Variants in CHRM3 observed in about 807,000 individuals in gnomAD.
The protein encoded by CHRM3 is cholinergic receptor muscarinic 3, also known as muscarinic acetylcholine receptor M3.
A neutral mutation model predicts 41.8 loss-of-function variants in CHRM3; 11 were observed. The ratio of observed to expected loss-of-function variants is 0.26; its 90% CI spans 0.17 to 0.44. CHRM3 has a LOEUF of 0.44. Ranked by LOEUF, CHRM3 falls within the 20% of genes least tolerant of loss-of-function variation. The pLI is 1.00. For synonymous variants in CHRM3, 297 were observed against 301.4 expected (o/e 0.99, Z 0.15); for missense variants, 571 against 745.4 (o/e 0.77, Z 2.72).
intron 3 of CHRM3, among the ~76,000 whole-genome samples, chr1:239,586,106 G>C (rs377556428): frequency 6.6e-6 from 1 of 152,124 alleles, no homozygotes; most frequent in African/African-American, 2.4e-5. Context: ...CTGCCCTCCC[G>C]TGGGAGGCAG....
chr1:239,807,206 G>C (rs908180804), intron 5 of CHRM3, among the ~76,000 whole-genome samples: 1 of 152,172 alleles, frequency 6.6e-6, no homozygotes, highest in African/African-American at 2.4e-5. Flanking sequence ...ACTTTAAAAT[G>C]CAGTTTCTTT....
intron 1 of CHRM3, among the ~76,000 whole-genome samples, chr1:239,401,667 A>G (rs959450786): frequency 4.6e-5 from 7 of 151,660 alleles, no homozygotes; most frequent in Non-Finnish European, 1.0e-4. Context: ...ATTTTTTTGT[A>G]TTTTTAGTAG....
At chr1:239,450,383 A>C (rs1368713535) in intron 1 of CHRM3, among the ~76,000 whole-genome samples, 3 of 152,198 alleles carry the variant, frequency 2.0e-5, no homozygotes, top group Admixed American at 6.5e-5. Flanking sequence ...CAATAGTAAC[A>C]AAAAAACCAA....
intron 1 of CHRM3, among the ~76,000 whole-genome samples, chr1:239,403,102 C>G (rs1053491450): frequency 1.3e-5 from 2 of 152,130 alleles, no homozygotes; most frequent in African/African-American, 2.4e-5. Flanking sequence ...CCATACTTAT[C>G]TGCCTTTAAA....
At chr1:239,475,891 T>G (rs1347598395) in intron 1 of CHRM3, among the ~76,000 whole-genome samples, 1 of 151,916 alleles carries the variant, frequency 6.6e-6, no homozygotes, top group African/African-American at 2.4e-5. Flanking sequence ...TGCCATGGAG[T>G]GGATGGTGTG....
chr1:239,578,109 G>A (rs1044668227), intron 3 of CHRM3, among the ~76,000 whole-genome samples: 1 of 152,146 alleles, frequency 6.6e-6, no homozygotes. Context: ...ACTTTAATAA[G>A]GTGTAGGTTT....
intron 5 of CHRM3, among the ~76,000 whole-genome samples, chr1:239,759,995 A>G (rs927410402): frequency 2.0e-5 from 3 of 151,918 alleles, no homozygotes; most frequent in Non-Finnish European, 4.4e-5. Flanking sequence ...ACTCACTGCA[A>G]GCTCTGCCTC....
At chr1:239,705,699 G>A (rs984709911) in intron 5 of CHRM3, 9 of 152,066 alleles carry the variant, frequency 5.9e-5, no homozygotes, top group African/African-American at 2.2e-4. Context: ...TATCTTTATA[G>A]GGAAGGAAAA....
At chr1:239,436,674 T>C (rs1422300012) in intron 1 of CHRM3, among the ~76,000 whole-genome samples, 1 of 152,106 alleles carries the variant, frequency 6.6e-6, no homozygotes, top group Non-Finnish European at 1.5e-5. Context: ...TCAGTTACTT[T>C]TTCTGTATGG....
chr1:239,843,198 C>T (rs1673966443), intron 6 of CHRM3, among the ~76,000 whole-genome samples: 3 of 152,100 alleles, frequency 2.0e-5, no homozygotes, highest in Admixed American at 6.6e-5. Flanking sequence ...AATCCTCCTG[C>T]CTATATACTC....
At chr1:239,613,935 G>T (rs1667339285) in intron 3 of CHRM3, among the ~76,000 whole-genome samples, 1 of 152,002 alleles carries the variant, frequency 6.6e-6, no homozygotes, top group African/African-American at 2.4e-5. Flanking sequence ...CAGGAGGATT[G>T]CTTAAGGCCA....
At chr1:239,397,438 C>T (rs1374609370) in intron 1 of CHRM3, among the ~76,000 whole-genome samples, 7 of 151,656 alleles carry the variant, frequency 4.6e-5, no homozygotes, top group Admixed American at 1.3e-4. Flanking sequence ...TTTGGGAGGT[C>T]GAGATGGGTG....
At chr1:239,906,679 T>C (rs1679989644) in intron 6 of CHRM3, among the ~76,000 whole-genome samples, 1 of 152,232 alleles carries the variant, frequency 6.6e-6, no homozygotes, top group Non-Finnish European at 1.5e-5. Flanking sequence ...TGTTCACATA[T>C]GTGTGACACG....
At chr1:239,677,035 C>G (rs1658072638) in intron 4 of CHRM3, among the ~76,000 whole-genome samples, 1 of 152,152 alleles carries the variant, frequency 6.6e-6, no homozygotes, top group Non-Finnish European at 1.5e-5. Flanking sequence ...TCCTCCCTCC[C>G]CATCCCATTT....
At chr1:239,679,337 G>T (rs969807945) in intron 5 of CHRM3, among the ~76,000 whole-genome samples, 4 of 152,126 alleles carry the variant, frequency 2.6e-5, no homozygotes, top group Admixed American at 6.6e-5. Context: ...TGAAAATGAA[G>T]TTTGGGAAAT....
chr1:239,404,661 A>G (rs1343749653), intron 1 of CHRM3, among the ~76,000 whole-genome samples: 1 of 147,156 alleles, frequency 6.8e-6, no homozygotes, highest in African/African-American at 2.5e-5. Context: ...AAGAACTCAG[A>G]TGTCCGCTGG....
chr1:239,437,213 G>A (rs901473344), intron 1 of CHRM3, among the ~76,000 whole-genome samples: 6 of 152,190 alleles, frequency 3.9e-5, no homozygotes, highest in African/African-American at 7.2e-5. Context: ...TGCTGGGCTC[G>A]AGCAGTCCTC....
At chr1:239,757,853 T>C (rs1666371532) in intron 5 of CHRM3, among the ~76,000 whole-genome samples, 1 of 152,204 alleles carries the variant, frequency 6.6e-6, no homozygotes, top group Non-Finnish European at 1.5e-5. Flanking sequence ...AAAGTAGGTA[T>C]CTTAATGAAG....
chr1:239,707,501 G>A (rs1196823705), intron 5 of CHRM3: 1 of 152,144 alleles, frequency 6.6e-6, no homozygotes, highest in Non-Finnish European at 1.5e-5. Flanking sequence ...TGTTTTGGAA[G>A]TGAATAAAAT....
Sources: gnomAD v4.1 joint callset for allele counts (sites outside exome capture counted in the v4.1 genomes callset) on GRCh38, gnomAD v4.1.1 for gene constraint, MANE v1.5 for transcripts, NCBI Gene and HGNC (gene_info 2026-07-23, HGNC 2026-07-21) for gene names.